The following RANBP2 variants were observed in gnomAD, a reference collection of about 807,000 sequenced individuals.
RANBP2 encodes RAN binding protein 2.
Under a neutral mutation model 303.6 loss-of-function variants are expected in RANBP2, and 57 were observed. That is an observed-to-expected ratio of 0.19 (90% CI 0.15 to 0.23). The LOEUF (loss-of-function observed/expected upper bound fraction) is 0.23. Among genes scored for constraint, RANBP2 ranks in the 10% least tolerant of loss-of-function variants. RANBP2 has a pLI of 1.00. For synonymous variants in RANBP2, 1,167 were observed against 1,301.5 expected (o/e 0.90, Z 2.23); for missense variants, 3,138 against 3,780.8 (o/e 0.83, Z 4.46).
the RANBP2 span, among the ~76,000 whole-genome samples, chr2:108,956,359 TG>T: frequency 6.6e-6 from 1 of 152,206 alleles, no homozygotes; most frequent in Non-Finnish European, 1.5e-5. Flanking sequence ...CTCTAAAACT[TG>T]GAGATGACTT....
the RANBP2 span, among the ~76,000 whole-genome samples, chr2:109,148,662 AG>A: frequency 6.6e-6 from 1 of 152,260 alleles, no homozygotes; most frequent in Non-Finnish European, 1.5e-5. Context: ...AAAATGTGAA[AG>A]GGATAATTTC....
chr2:109,452,818 T>TGGGAGGCTGGTGCTGGGAGGCTGGTCCC, the RANBP2 span, among the ~76,000 whole-genome samples: 1 of 136,928 alleles, frequency 7.3e-6, no homozygotes, highest in South Asian at 2.4e-4. Flanking sequence ...AGGCTGGTTC[T>TGGGAGGCTGGTGCTGGGAGGCTGGTCCC]GGGAGGCTGG....
chr2:109,237,571 A>T, the RANBP2 span, among the ~76,000 whole-genome samples: 2 of 152,116 alleles, frequency 1.3e-5, no homozygotes, highest in Admixed American at 1.3e-4. Flanking sequence ...AAATTCGCAA[A>T]CTTTCTTAAA....
At chr2:108,878,810 A>G in the RANBP2 span, among the ~76,000 whole-genome samples, 1 of 152,236 alleles carries the variant, frequency 6.6e-6, no homozygotes, top group Non-Finnish European at 1.5e-5. Context: ...AATCTTCTAC[A>G]TTATCAGAAA....
At chr2:109,031,391 T>G in the RANBP2 span, among the ~76,000 whole-genome samples, 4 of 152,082 alleles carry the variant, frequency 2.6e-5, no homozygotes, top group Admixed American at 2.0e-4. Context: ...CCAGCCTTCT[T>G]ATAAGGTTAT....
the RANBP2 span, among the ~76,000 whole-genome samples, chr2:108,830,693 A>T: frequency 2.3e-3 from 351 of 152,242 alleles, 2 homozygotes; most frequent in African/African-American, 8.0e-3. Context: ...ATGTAATCCC[A>T]GCTACTTGGG....
the RANBP2 span, among the ~76,000 whole-genome samples, chr2:109,263,111 G>T: frequency 4.6e-5 from 7 of 152,280 alleles, no homozygotes; most frequent in African/African-American, 1.4e-4. Flanking sequence ...CTCCCAAAGG[G>T]CTGGGATTAT....
At chr2:109,639,477 G>T in the RANBP2 span, among the ~76,000 whole-genome samples, 1 of 151,908 alleles carries the variant, frequency 6.6e-6, no homozygotes, top group Non-Finnish European at 1.5e-5. Flanking sequence ...AAATCAGCTG[G>T]GTGTGGTGAC....
chr2:109,564,538 G>C, the RANBP2 span: 59 of 1,485,176 alleles, frequency 4.0e-5, no homozygotes, highest in Middle Eastern at 5.4e-4. Flanking sequence ...TTTTCCACTA[G>C]CCAAAAAAAA....
chr2:109,437,016 C>T, the RANBP2 span: 1 of 1,613,878 alleles, frequency 6.2e-7, no homozygotes, highest in Non-Finnish European at 8.5e-7. Flanking sequence ...CCACTGCCAC[C>T]AGGCCCGCCC....
chr2:108,869,713 C>T, the RANBP2 span, among the ~76,000 whole-genome samples: 1 of 152,136 alleles, frequency 6.6e-6, no homozygotes, highest in Non-Finnish European at 1.5e-5. Flanking sequence ...ACAGCATACA[C>T]AGGCCCAGAC....
chr2:109,590,948 G>C, the RANBP2 span, among the ~76,000 whole-genome samples: 2 of 152,194 alleles, frequency 1.3e-5, no homozygotes, highest in Admixed American at 1.3e-4. Flanking sequence ...GACCCCTTGA[G>C]TATGAAACCC....
At chr2:109,704,349 A>G in the RANBP2 span, among the ~76,000 whole-genome samples, 2 of 151,986 alleles carry the variant, frequency 1.3e-5, no homozygotes, top group East Asian at 3.9e-4. Flanking sequence ...GGAGTTTGAG[A>G]CCAGCCAGGG....
At chr2:108,721,009 A>T (rs1384960442) in intron 1 of RANBP2, among the ~76,000 whole-genome samples, 3 of 152,304 alleles carry the variant, frequency 2.0e-5, no homozygotes, top group Admixed American at 6.5e-5. Flanking sequence ...AGATCGCGCT[A>T]CTGCACTCCA....
the RANBP2 span, among the ~76,000 whole-genome samples, chr2:108,981,584 G>C: frequency 1.3e-5 from 2 of 152,192 alleles, no homozygotes; most frequent in Non-Finnish European, 2.9e-5. Flanking sequence ...TCTCTGGGGA[G>C]TTCAGCCATG....
the RANBP2 span, chr2:108,906,494 C>A: frequency 1.0e-6 from 1 of 968,044 alleles, no homozygotes; most frequent in East Asian, 2.5e-5. Flanking sequence ...ACACAGCCCC[C>A]GTGTCAGCAG....
the RANBP2 span, chr2:109,128,980 G>A: frequency 4.7e-6 from 2 of 424,274 alleles, no homozygotes; most frequent in East Asian, 9.5e-5. Flanking sequence ...GCGCACCCCC[G>A]CGCACGTGCT....
At chr2:109,609,639 A>G in the RANBP2 span, among the ~76,000 whole-genome samples, 1 of 151,732 alleles carries the variant, frequency 6.6e-6, no homozygotes, top group Admixed American at 6.6e-5. Flanking sequence ...AAAAAAGATC[A>G]AGAAAGAATT....
At chr2:109,540,849 T>C in the RANBP2 span, among the ~76,000 whole-genome samples, 1 of 151,508 alleles carries the variant, frequency 6.6e-6, no homozygotes, top group Non-Finnish European at 1.5e-5. Context: ...ATTTGCATGA[T>C]GTACCTTTTC....
Sources: gnomAD v4.1 joint callset for allele counts (sites outside exome capture counted in the v4.1 genomes callset) on GRCh38, gnomAD v4.1.1 for gene constraint, MANE v1.5 for transcripts, NCBI Gene and HGNC (gene_info 2026-07-23, HGNC 2026-07-21) for gene names.